The following MYOF variants were observed in gnomAD, a reference collection of about 807,000 sequenced individuals.
MYOF encodes myoferlin, also known as fer-1-like 3, myoferlin.
In MYOF, 244 loss-of-function variants were observed where a neutral mutation model predicts 284.2. The observed-to-expected ratio is 0.86, with a 90% CI of 0.77 to 0.95. The LOEUF (loss-of-function observed/expected upper bound fraction) is 0.95, where lower values mean the gene tolerates loss of function less well. Ranked by LOEUF, MYOF falls within the 40% of genes least tolerant of loss-of-function variation. The pLI is 0.00. For missense variants in MYOF, 2,496 were observed against 2,560.6 expected, an observed-to-expected ratio of 0.97 and a Z score of 0.54; for synonymous variants, 904 against 919.7, an observed-to-expected ratio of 0.98 and a Z score of 0.31.
chr10:93,472,258 A>G (rs1489797285), intron 1 of MYOF, among the ~76,000 whole-genome samples: 2 of 152,238 alleles, frequency 1.3e-5, no homozygotes, highest in African/African-American at 4.8e-5. Flanking sequence ...GAAATAAAGA[A>G]GAAAAAAAGA....
At chr10:93,383,983 C>T (rs945564257) in intron 19 of MYOF, among the ~76,000 whole-genome samples, 1 of 151,996 alleles carries the variant, frequency 6.6e-6, no homozygotes, top group Non-Finnish European at 1.5e-5. Flanking sequence ...CCACAGAATC[C>T]CTGATAGGAC....
At chr10:93,366,598 CA>C (rs1312633601) in intron 25 of MYOF, 43 bp from the exon 26 acceptor site, 3 of 1,512,628 alleles carry the variant, frequency 2.0e-6, no homozygotes, top group Non-Finnish European at 1.8e-6. Flanking sequence ...CATCAGAGAG[CA>C]AAAAATAAAG....
Position 93,323,366 on chromosome 10 carries a change from A to ATT in MYOF, c.5272-10_5272-9dup, listed in dbSNP as rs1385612574. On this transcript the variant is annotated splice_polypyrimidine_tract_variant and intron_variant, in intron 46 of 53. Coordinates refer to ENST00000359263, the MANE Select transcript of MYOF (RefSeq NM_013451.4). ...CCACATCTGAAGTTTTCCCTAAACC[A>ATT]TTTGAAAATGAAAAGAGGACTGAAG... 6.3e-7 allele frequency: 1 copy of ATT among 1,596,672 alleles called. No individual in the cohort carries two copies. Among genetic ancestry groups the ATT allele is most frequent in the South Asian group, 1.1e-5 (1 of 89,460 alleles).
intron 1 of MYOF, among the ~76,000 whole-genome samples, chr10:93,457,659 CCCCAAGT>C (rs2056774178): frequency 6.6e-6 from 1 of 152,102 alleles, no homozygotes; most frequent in East Asian, 1.9e-4. Context: ...TCTTTTGGGT[CCCCAAGT>C]CCCCAAATAC....
At chr10:93,435,541 T>A (rs1377387008) in intron 3 of MYOF, among the ~76,000 whole-genome samples, 2 of 152,248 alleles carry the variant, frequency 1.3e-5, no homozygotes, top group African/African-American at 4.8e-5. Context: ...CAACTCTTCG[T>A]TATTTGCAAA....
intron 35 of MYOF, among the ~76,000 whole-genome samples, chr10:93,350,322 TTC>T (rs1844445936): frequency 6.6e-6 from 1 of 152,066 alleles, no homozygotes; most frequent in Non-Finnish European, 1.5e-5. Flanking sequence ...CTTTTTTTTT[TTC>T]TTTTTTGAGA....
intron 51 of MYOF, among the ~76,000 whole-genome samples, chr10:93,312,289 A>G (rs1842421662): frequency 6.6e-6 from 1 of 152,172 alleles, no homozygotes; most frequent in East Asian, 1.9e-4. Context: ...CTTGTAATTT[A>G]TGGCCTTCTT....
intron 1 of MYOF, among the ~76,000 whole-genome samples, chr10:93,461,206 C>T (rs1286478313): frequency 1.3e-5 from 2 of 152,238 alleles, no homozygotes; most frequent in African/African-American, 4.8e-5. Context: ...GAAATAATGA[C>T]TGGTCAGCTC....
intron 16 of MYOF, among the ~76,000 whole-genome samples, chr10:93,394,446 G>GTTTTTTTTTTT (rs1411982961): frequency 1.5e-4 from 5 of 33,476 alleles, no homozygotes; most frequent in Admixed American, 5.0e-4. Context: ...TCACCATCTT[G>GTTTTTTTTTTT]TCTTTTTTTT....
At chr10:93,479,157 T>C (rs1287166271) in intron 1 of MYOF, among the ~76,000 whole-genome samples, 1 of 152,030 alleles carries the variant, frequency 6.6e-6, no homozygotes, top group Non-Finnish European at 1.5e-5. Flanking sequence ...TTTTTTTTTT[T>C]TGAGATGGAG....
chr10:93,320,304 G>A (rs1206444934), intron 48 of MYOF, among the ~76,000 whole-genome samples: 2 of 152,266 alleles, frequency 1.3e-5, no homozygotes, highest in Admixed American at 6.5e-5. Flanking sequence ...CAACAATGTA[G>A]CTTCTATTTT....
chr10:93,442,041 C>CACACACACACAGAG (rs57700900), intron 3 of MYOF, among the ~76,000 whole-genome samples: 92 of 142,728 alleles, frequency 6.4e-4, no homozygotes, highest in Middle Eastern at 7.4e-3. Context: ...CACACACACA[C>CACACACACACAGAG]AGAATAAACC....
At chr10:93,418,622 T>C (rs1848233004) in intron 5 of MYOF, among the ~76,000 whole-genome samples, 1 of 152,156 alleles carries the variant, frequency 6.6e-6, no homozygotes, top group Non-Finnish European at 1.5e-5. Flanking sequence ...CTGGACAACA[T>C]CACGTTCAGC....
At chr10:93,371,639 T>C (rs1040722467) in intron 24 of MYOF, among the ~76,000 whole-genome samples, 1 of 152,214 alleles carries the variant, frequency 6.6e-6, no homozygotes, top group South Asian at 2.1e-4. Flanking sequence ...GTTAAATCAA[T>C]AAATATTTTA....
At chr10:93,448,934 G>A (rs189252189) in intron 3 of MYOF, among the ~76,000 whole-genome samples, 1 of 152,164 alleles carries the variant, frequency 6.6e-6, no homozygotes, top group Non-Finnish European at 1.5e-5. Context: ...GGCAGAGGTT[G>A]CAGTGAGCCA....
intron 13 of MYOF, 92 bp downstream of exon 13, chr10:93,399,300 A>G: frequency 8.0e-6 from 8 of 996,932 alleles, no homozygotes; most frequent in African/African-American, 1.6e-5. Flanking sequence ...GGGCTATTTT[A>G]ACAAAGAGTA....
intron 23 of MYOF, among the ~76,000 whole-genome samples, chr10:93,373,846 G>A (rs543654902): frequency 1.3e-5 from 2 of 152,252 alleles, no homozygotes; most frequent in South Asian, 4.2e-4. Context: ...CCTCAACTGT[G>A]CTAAGCCCTT....
chr10:93,472,987 C>T (rs1178644960), intron 1 of MYOF, among the ~76,000 whole-genome samples: 1 of 152,176 alleles, frequency 6.6e-6, no homozygotes, highest in Non-Finnish European at 1.5e-5. Context: ...CCAACAACCT[C>T]CCTGTGAGGT....
chr10:93,309,618 C>T (rs1564606273), intron 53 of MYOF, among the ~76,000 whole-genome samples: 4 of 151,794 alleles, frequency 2.6e-5, no homozygotes, highest in Admixed American at 2.6e-4. Flanking sequence ...ATATGTAGAC[C>T]CACAATGAAC....
Sources: gnomAD v4.1 joint callset for allele counts (sites outside exome capture counted in the v4.1 genomes callset) on GRCh38, gnomAD v4.1.1 for gene constraint, MANE v1.5 for transcripts, NCBI Gene and HGNC (gene_info 2026-07-23, HGNC 2026-07-21) for gene names.